Variants in CNOT6L observed in about 807,000 individuals in gnomAD.
CNOT6L encodes CCR4-NOT transcription complex subunit 6-like.
In CNOT6L, 7 loss-of-function variants were observed where a neutral mutation model predicts 64.0. That is an observed-to-expected ratio of 0.11 (90% CI 0.06 to 0.21). The LOEUF (loss-of-function observed/expected upper bound fraction) is 0.21. Among genes scored for constraint, CNOT6L ranks in the 10% least tolerant of loss-of-function variants. CNOT6L has a pLI of 1.00. For missense variants in CNOT6L, 245 were observed against 669.0 expected, an observed-to-expected ratio of 0.37 and a Z score of 6.99; for synonymous variants, 193 against 243.4, an observed-to-expected ratio of 0.79 and a Z score of 1.93.
At chr4:77,807,125 T>C (rs558837030) in intron 1 of CNOT6L, among the ~76,000 whole-genome samples, 13 of 151,918 alleles carry the variant, frequency 8.6e-5, no homozygotes, top group Admixed American at 5.9e-4. Flanking sequence ...TCCGCCTGCC[T>C]TGGTTAGCTG....
intron 1 of CNOT6L, among the ~76,000 whole-genome samples, chr4:77,807,951 G>A (rs957153866): frequency 3.3e-5 from 5 of 152,070 alleles, no homozygotes; most frequent in Admixed American, 6.5e-5. Flanking sequence ...GTTAGTTCAC[G>A]TAAATCTCCT....
Position 77,720,229 on chromosome 4 carries a change from A to C in CNOT6L, c.*202T>G. 2.0e-6 allele frequency: 1 copy of C among 497,304 alleles called. No individual in the cohort carries two copies. The highest frequency in any genetic ancestry group is 3.6e-6 in the Non-Finnish European group (1 of 281,090). The allele number at this position is 497,304 out of a possible 1,614,324, so 30.8% of individuals were successfully genotyped here. A position where few individuals can be genotyped will look rare whatever the true frequency, so the allele number is the denominator to read the frequency against. ...AAACATGTTAAATTAAAATTTTGTA[A>C]AGAGAGTAATACTTTGGTTCCAGCC... On this transcript the variant is annotated 3_prime_UTR_variant, in exon 12 of 12. Transcript: ENST00000504123.
At chr4:77,812,505 C>T (rs891897173) in intron 1 of CNOT6L, among the ~76,000 whole-genome samples, 1 of 149,414 alleles carries the variant, frequency 6.7e-6, no homozygotes, top group Non-Finnish European at 1.5e-5. Context: ...ACGAGATCAA[C>T]AAACATAAAT....
chr4:77,818,210 C>CT (rs1000471738), intron 1 of CNOT6L, among the ~76,000 whole-genome samples: 1 of 152,186 alleles, frequency 6.6e-6, no homozygotes, highest in African/African-American at 2.4e-5. Context: ...GCTAAACTCC[C>CT]TGAACACAAT....
chr4:77,802,953 A>G (rs1731759609), intron 1 of CNOT6L, among the ~76,000 whole-genome samples: 1 of 152,232 alleles, frequency 6.6e-6, no homozygotes, highest in Non-Finnish European at 1.5e-5. Context: ...TAAGCAAGGC[A>G]AAGACCTTTT....
intron 8 of CNOT6L, among the ~76,000 whole-genome samples, chr4:77,737,916 C>T (rs1189165450): frequency 6.6e-6 from 1 of 152,016 alleles, no homozygotes; most frequent in Non-Finnish European, 1.5e-5. Flanking sequence ...AAAAATCCTA[C>T]GTACAAATTC....
chr4:77,756,940 A>C lies in CNOT6L; in HGVS notation c.412T>G (p.Ser138Ala). The change falls in exon 5 of 12, where the codon TCA becomes GCA. Residue 138 changes from serine (S) to alanine (A), a missense_variant. Physicochemically the swap from Ser to Ala is moderately conservative, Grantham distance 99. Transcript: ENST00000504123. ...QTLGLKGNPL[S>A]QDILNLYQDP... is the part of the protein sequence containing the mutation. ...TGGTATAAGTTGAGAATATCCTGTG[A>C]TAAAGGATTGCCTAAAGCAGAAGAC... 1 of 1,601,802 alleles carries C rather than the reference A, an allele frequency of 6.2e-7. No homozygotes were observed. The highest frequency in any genetic ancestry group is 8.5e-7 in the Non-Finnish European group (1 of 1,171,670).
intron 1 of CNOT6L, among the ~76,000 whole-genome samples, chr4:77,777,372 T>A (rs950097464): frequency 6.6e-6 from 1 of 152,242 alleles, no homozygotes; most frequent in Non-Finnish European, 1.5e-5. Flanking sequence ...CACATAACTA[T>A]ACTGTGCCAT....
intron 1 of CNOT6L, among the ~76,000 whole-genome samples, chr4:77,787,536 A>T (rs1342411041): frequency 1.3e-5 from 2 of 152,056 alleles, no homozygotes; most frequent in Non-Finnish European, 2.9e-5. Flanking sequence ...CATTACACTT[A>T]CCCCCAGTTT....
At chr4:77,779,015 C>A (rs1173224097) in intron 1 of CNOT6L, among the ~76,000 whole-genome samples, 1 of 142,350 alleles carries the variant, frequency 7.0e-6, no homozygotes, top group Non-Finnish European at 1.5e-5. Flanking sequence ...CCACTACACT[C>A]CAGCCTAGGT....
In CNOT6L at chr4:77,714,375, C is replaced by T. The variant is rs1296072747; in HGVS notation, c.*6056G>A. 1 of 146,788 alleles carries T rather than the reference C, an allele frequency of 6.8e-6. No homozygotes were observed. The highest frequency in any genetic ancestry group is 2.5e-5 in the African/African-American group (1 of 39,232). The allele number at this position is 146,788 out of a possible 1,614,324, so 9.1% of individuals were successfully genotyped here. On this transcript the variant is annotated 3_prime_UTR_variant, in exon 12 of 12. Coordinates refer to ENST00000504123, the MANE Select transcript of CNOT6L (RefSeq NM_144571.3). ...ATCACAACAGAAGATATAAATTAAT[C>T]GATGGTGAATTTGACCAACACCCTG...
In CNOT6L at chr4:77,772,993, A is replaced by C. The variant is rs1727749207; in HGVS notation, c.400+88T>G. The C allele has an allele frequency of 1.3e-5, 10 of 743,362 alleles. No individual in the cohort carries two copies. The South Asian group carries it at 1.5e-4, about 11-fold the overall frequency. 46.0% of individuals were successfully genotyped at this position (743,362 alleles called of 1,614,324 possible). On this transcript the variant is annotated intron_variant, in intron 4 of 11. Coordinates refer to ENST00000504123, the MANE Select transcript of CNOT6L (RefSeq NM_144571.3). Reference sequence around the variant, plus strand: ...AGAAAGTACACGTAGTCACATTCTAAAACTCATACTAAAACTTGACCTTTT... The same window carrying C: ...AGAAAGTACACGTAGTCACATTCTACAACTCATACTAAAACTTGACCTTTT...
intron 8 of CNOT6L, among the ~76,000 whole-genome samples, chr4:77,738,167 C>G (rs531275502): frequency 6.6e-6 from 1 of 152,298 alleles, no homozygotes; most frequent in East Asian, 1.9e-4. Context: ...AGTGCCATGA[C>G]AACCTAAGTT....
At chr4:77,781,528 A>G (rs1025903302) in intron 1 of CNOT6L, among the ~76,000 whole-genome samples, 1 of 152,224 alleles carries the variant, frequency 6.6e-6, no homozygotes, top group Non-Finnish European at 1.5e-5. Context: ...AATGAAAGGT[A>G]TATTTTAAAA....
chr4:77,819,338 G>C lies in CNOT6L; in HGVS notation c.-30C>G, dbSNP rs1215684989. 5.0e-6 allele frequency: 8 copies of C among 1,613,164 alleles called. No homozygotes were observed. In the Admixed American group the frequency reaches 1.2e-4, roughly 24 times the overall value. Reference sequence around the variant, plus strand: ...TTCCTCTGGCCCAGAAGCAACAGCAGCCATTTCCCCGCGGCAGGGGAAACA... The same window carrying C: ...TTCCTCTGGCCCAGAAGCAACAGCACCCATTTCCCCGCGGCAGGGGAAACA... On this transcript the variant is annotated 5_prime_UTR_variant, in exon 1 of 12. Transcript: ENST00000504123.
chr4:77,797,117 A>AAAAC (rs1730944516), intron 1 of CNOT6L, among the ~76,000 whole-genome samples: 1 of 150,446 alleles, frequency 6.6e-6, no homozygotes, highest in Non-Finnish European at 1.5e-5. Context: ...AAAAAAAAAA[A>AAAAC]AAAAAAAAAC....
At chr4:77,745,903 G>T (rs1046741266) in intron 6 of CNOT6L, among the ~76,000 whole-genome samples, 1 of 152,188 alleles carries the variant, frequency 6.6e-6, no homozygotes, top group Non-Finnish European at 1.5e-5. Context: ...GATGGAAAAG[G>T]TATTAAGAGA....
intron 11 of CNOT6L, among the ~76,000 whole-genome samples, chr4:77,721,003 A>G (rs1404290365): frequency 2.0e-5 from 3 of 152,240 alleles, no homozygotes; most frequent in Admixed American, 1.3e-4. Flanking sequence ...GGCTATAATA[A>G]GTAGAAAATA....
chr4:77,813,947 A>C (rs1468117267), intron 1 of CNOT6L, among the ~76,000 whole-genome samples: 2 of 152,170 alleles, frequency 1.3e-5, no homozygotes, highest in Non-Finnish European at 2.9e-5. Flanking sequence ...TTGTACATGA[A>C]TGTTCACAGC....
Sources: allele counts gnomAD v4.1 joint callset (sites outside exome capture counted in the v4.1 genomes callset), GRCh38; gene constraint gnomAD v4.1.1; transcripts MANE v1.5; gene names NCBI Gene and HGNC (gene_info 2026-07-23, HGNC 2026-07-21).